SLC39A11: variants seen among roughly 807,000 people sequenced by gnomAD.
SLC39A11 encodes the protein zinc transporter ZIP11.
SLC39A11 carries 33 observed loss-of-function variants against 36.1 expected under a neutral mutation model. The ratio of observed to expected loss-of-function variants is 0.91; its 90% CI spans 0.69 to 1.22. The LOEUF (loss-of-function observed/expected upper bound fraction) is 1.22, where lower values mean the gene tolerates loss of function less well. Among genes scored for constraint, SLC39A11 ranks in the 50% most tolerant of loss-of-function variants. The pLI is 0.00. For missense variants in SLC39A11, 432 were observed against 430.3 expected (o/e 1.00, Z -0.03); for synonymous variants, 166 against 170.3 (o/e 0.97, Z 0.20).
At chr17:72,977,081 C>T (rs1318509394) in intron 4 of SLC39A11, among the ~76,000 whole-genome samples, 2 of 152,144 alleles carry the variant, frequency 1.3e-5, no homozygotes, top group Non-Finnish European at 2.9e-5. Context: ...TGGGCCTGAC[C>T]TAGTCCCAGG....
rs184527552 is a variant in SLC39A11 at position 72,872,493 on chromosome 17, C to T, written c.431-22689G>A. On this transcript the variant is annotated intron_variant, in intron 5 of 9. Coordinates refer to ENST00000255559, the MANE Select transcript of SLC39A11 (RefSeq NM_139177.4). ...ACAACGTGGGGGCAGTGGCGTAGCT[C>T]CTAACTGGCTATGGCACCGAAAAGC... 4.2e-3 allele frequency among the ~76,000 whole-genome samples: 640 copies of T among 152,306 alleles called. 5 individuals carry two copies. Among genetic ancestry groups the T allele is most frequent in the African/African-American group, 0.015 (612 of 41,564 alleles).
At chr17:72,663,439 C>G (rs887129477) in intron 7 of SLC39A11, among the ~76,000 whole-genome samples, 3 of 152,208 alleles carry the variant, frequency 2.0e-5, no homozygotes, top group African/African-American at 7.2e-5. Context: ...AACCCACATC[C>G]CGATCAAGAA....
At chr17:72,747,306 G>A (rs1281276343) in intron 6 of SLC39A11, among the ~76,000 whole-genome samples, 1 of 152,138 alleles carries the variant, frequency 6.6e-6, no homozygotes, top group Non-Finnish European at 1.5e-5. Context: ...GCACACCACT[G>A]CACCCAGCTA....
At chr17:72,747,635 C>T (rs1261732204) in intron 6 of SLC39A11, among the ~76,000 whole-genome samples, 1 of 152,196 alleles carries the variant, frequency 6.6e-6, no homozygotes, top group African/African-American at 2.4e-5. Flanking sequence ...GGCAGGGCTG[C>T]TGTCTTCATT....
chr17:72,900,403 AGG>A (rs779064108), intron 5 of SLC39A11, among the ~76,000 whole-genome samples: 8,410 of 41,590 alleles, frequency 0.2, 313 homozygotes, highest in African/African-American at 0.27. Flanking sequence ...CAGGATTATG[AGG>A]ATGCAGGATT....
intron 7 of SLC39A11, among the ~76,000 whole-genome samples, chr17:72,698,745 C>G (rs1034669493): frequency 2.6e-5 from 4 of 152,116 alleles, no homozygotes; most frequent in African/African-American, 9.7e-5. Context: ...GGCATTATCC[C>G]CACGGTACAA....
At chr17:73,090,791 C>T (rs990839614) in intron 1 of SLC39A11, among the ~76,000 whole-genome samples, 1 of 152,052 alleles carries the variant, frequency 6.6e-6, no homozygotes, top group African/African-American at 2.4e-5. Context: ...GGGAAACACC[C>T]GTCTAAGCCT....
At chr17:73,031,282 T>C (rs1358844293) in intron 4 of SLC39A11, among the ~76,000 whole-genome samples, 1 of 124,594 alleles carries the variant, frequency 8.0e-6, no homozygotes. Flanking sequence ...ATATATACAG[T>C]GCCACCCAGC....
intron 6 of SLC39A11, among the ~76,000 whole-genome samples, chr17:72,781,078 G>T (rs1022952013): frequency 6.6e-5 from 10 of 152,186 alleles, no homozygotes; most frequent in Non-Finnish European, 1.3e-4. Flanking sequence ...TCCCCAAACT[G>T]TCTGGCACCT....
intron 4 of SLC39A11, among the ~76,000 whole-genome samples, chr17:72,989,480 A>C (rs1192285713): frequency 6.6e-6 from 1 of 152,264 alleles, no homozygotes; most frequent in East Asian, 1.9e-4. Context: ...ATACTATCCC[A>C]GGATATGTCT....
intron 4 of SLC39A11, among the ~76,000 whole-genome samples, chr17:73,004,232 A>AAAGAAAGAAAGAAAGAAAGAAAAGAAAG: frequency 3.4e-5 from 3 of 88,710 alleles, no homozygotes; most frequent in African/African-American, 1.3e-4. Context: ...AGAAAGAAAG[A>AAAGAAAGAAAGAAAGAAAGAAAAGAAAG]AAAGAAAGAA....
At chr17:73,037,413 G>C (rs1339577948) in intron 3 of SLC39A11, among the ~76,000 whole-genome samples, 1 of 152,240 alleles carries the variant, frequency 6.6e-6, no homozygotes, top group East Asian at 1.9e-4. Context: ...GGAATAGAAA[G>C]CAGGGTATCT....
intron 4 of SLC39A11, among the ~76,000 whole-genome samples, chr17:72,980,998 G>C (rs1006052647): frequency 6.7e-6 from 1 of 150,296 alleles, no homozygotes; most frequent in African/African-American, 2.5e-5. Context: ...ATTCCAGCCT[G>C]GGTGACAGAG....
intron 7 of SLC39A11, among the ~76,000 whole-genome samples, chr17:72,682,852 T>C (rs959243856): frequency 3.9e-5 from 6 of 152,246 alleles, no homozygotes; most frequent in African/African-American, 1.4e-4. Context: ...AGTCAATCTT[T>C]AGGACAGGAT....
intron 3 of SLC39A11, among the ~76,000 whole-genome samples, chr17:73,076,743 G>C (rs2060332558): frequency 1.3e-5 from 2 of 151,898 alleles, no homozygotes; most frequent in Admixed American, 1.3e-4. Flanking sequence ...ACAGACTCAG[G>C]ATTGACAGTA....
intron 6 of SLC39A11, among the ~76,000 whole-genome samples, chr17:72,762,478 C>T (rs1240933474): frequency 6.6e-6 from 1 of 152,170 alleles, no homozygotes; most frequent in Non-Finnish European, 1.5e-5. Flanking sequence ...CCACCCCTCT[C>T]CTGGAAAATT....
rs1036985193 is a variant in SLC39A11, at chr17:72,980,262, C to T, written c.307-32387G>A. The stretch of plus-strand genomic sequence containing the variant: ...AGCTTTTCTATGCAAAAACAACGGC[C>T]AGATGGAATATGTCATGAAATAGGA... On this transcript the variant is annotated intron_variant, in intron 4 of 9. Transcript: ENST00000255559. Among the ~76,000 whole-genome samples the T allele has an allele frequency of 3.3e-5, 5 of 152,198 alleles. No homozygotes were observed. The South Asian group carries it at 1.0e-3, about 32-fold the overall frequency.
chr17:72,966,307 G>A (rs576422556), intron 4 of SLC39A11, among the ~76,000 whole-genome samples: 12 of 152,320 alleles, frequency 7.9e-5, no homozygotes, highest in African/African-American at 2.9e-4. Flanking sequence ...CTCCACGCAA[G>A]CCGGCCCAGG....
chr17:72,862,334 G>T (rs2080083171), intron 5 of SLC39A11, among the ~76,000 whole-genome samples: 1 of 152,290 alleles, frequency 6.6e-6, no homozygotes, highest in African/African-American at 2.4e-5. Context: ...AAAAACGTTG[G>T]TTCTGAGACA....
Sources: allele counts gnomAD v4.1 joint callset (sites outside exome capture counted in the v4.1 genomes callset), GRCh38; gene constraint gnomAD v4.1.1; transcripts MANE v1.5; gene names NCBI Gene and HGNC (gene_info 2026-07-23, HGNC 2026-07-21).